Variants in PABPC1 observed in about 807,000 individuals in gnomAD.
PABPC1 encodes poly(A) binding protein cytoplasmic 1.
Under a neutral mutation model 74.0 loss-of-function variants are expected in PABPC1, and 4 were observed. That is an observed-to-expected ratio of 0.05 (90% CI 0.03 to 0.12). The LOEUF is 0.12. Among genes scored for constraint, PABPC1 ranks in the 10% least tolerant of loss-of-function variants. The probability of loss-of-function intolerance (pLI) is 1.00; values close to 1 mark genes in which losing one functional copy is unlikely to be tolerated. For synonymous variants in PABPC1, 227 were observed against 264.1 expected (o/e 0.86, Z 1.36); for missense variants, 271 against 821.1 (o/e 0.33, Z 8.19).
Position 100,709,705 on chromosome 8 carries a change from T to C in PABPC1, c.999A>G (p.Lys333=), listed in dbSNP as rs756251386. Residue 333 remains lysine, a synonymous_variant, in exon 8 of 15, where the codon AAA becomes AAG. Coordinates refer to ENST00000318607, the MANE Select transcript of PABPC1 (RefSeq NM_002568.4). ...AKVMMEGGRS[K]GFGFVCFSSP... ...AGGAGAAACATACAAAACCAAACCCTTTGCTGCGACCACCCTCCATCATAA... is the reference window on the plus strand; with the variant it reads ...AGGAGAAACATACAAAACCAAACCCCTTGCTGCGACCACCCTCCATCATAA... 1 of 1,331,196 alleles carries C rather than the reference T, an allele frequency of 7.5e-7. No individual in the cohort carries two copies. Among genetic ancestry groups the C allele is most frequent in the Non-Finnish European group, 1.0e-6 (1 of 986,244 alleles). The allele number at this position is 1,331,196 out of a possible 1,614,324, so 82.5% of individuals were successfully genotyped here.
intron 12 of PABPC1, 96 bp from the exon 13 acceptor site, chr8:100,705,152 C>T: frequency 2.1e-6 from 2 of 945,906 alleles, no homozygotes; most frequent in Non-Finnish European, 3.2e-6. Context: ...AACCATACTT[C>T]TGTCTCACGT....
rs1810827868 is a variant in PABPC1, at chr8:100,721,374, C to T, written c.193+17G>A. The T allele has an allele frequency of 1.4e-6, 2 of 1,447,326 alleles. No individual in the cohort carries two copies. Among genetic ancestry groups the T allele is most frequent in the South Asian group, 1.5e-5 (1 of 65,610 alleles). The allele number at this position is 1,447,326 out of a possible 1,614,324, so 89.7% of individuals were successfully genotyped here. The stretch of plus-strand genomic sequence containing the variant: ...GGCCGCCCGCCCGCCCGGCCGACCG[C>T]GGAGCCCGGCGCTCACCGTCCGCCG... On this transcript the variant is annotated intron_variant, in intron 1 of 14. Coordinates refer to ENST00000318607, the MANE Select transcript of PABPC1 (RefSeq NM_002568.4). This position sits in a 1 kb window ranked among gnomAD's most constrained non-coding sequence, Gnocchi z 7.4.
In PABPC1 at chr8:100,721,611, G is replaced by A. The variant is rs772646274; in HGVS notation, c.-28C>T. ...CGGCACGGCTGCCCGCAGGGCCACA[G>A]GCCGCGACCTTTCCGTGAGAGGAGG... On this transcript the variant is annotated 5_prime_UTR_variant, in exon 1 of 15. Coordinates refer to ENST00000318607, the MANE Select transcript of PABPC1 (RefSeq NM_002568.4). The surrounding 1 kb of genome is among the most constrained non-coding windows in gnomAD (Gnocchi z 7.4). 9 of 1,479,088 alleles carry A rather than the reference G, an allele frequency of 6.1e-6. No individual in the cohort carries two copies. In the East Asian group the frequency reaches 1.3e-4, roughly 21 times the overall value. 91.6% of individuals were successfully genotyped at this position (1,479,088 alleles called of 1,614,324 possible).
At chr8:100,717,594 TATTA>T (rs1464008171) in intron 3 of PABPC1, among the ~76,000 whole-genome samples, 175 bp downstream of exon 3, 6 of 152,250 alleles carry the variant, frequency 3.9e-5, no homozygotes, top group South Asian at 2.1e-4. Flanking sequence ...AAGATTAGCT[TATTA>T]ATTTTCACTC....
At chr8:100,716,963 G>C (rs1810686891) in intron 3 of PABPC1, among the ~76,000 whole-genome samples, 1 of 152,120 alleles carries the variant, frequency 6.6e-6, no homozygotes, top group Admixed American at 6.6e-5. Flanking sequence ...GCCAGTGTTG[G>C]GCTTGCTTTT....
rs1810394380 is a variant in PABPC1 at position 100,706,909 on chromosome 8, T to C, written c.1425A>G (p.Arg475=). 6.2e-7 allele frequency: 1 copy of C among 1,614,142 alleles called. No homozygotes were observed. The highest frequency in any genetic ancestry group is 8.5e-7 in the Non-Finnish European group (1 of 1,179,974). Residue 475 remains arginine (R), a synonymous_variant, in exon 10 of 15, where the codon CGA becomes CGG. Transcript: ENST00000318607. ...CACCAACACGCTGTGTTGACATGAC[T>C]CGTGGAACCTGTGAAGAAGCTGGTC... ...TMRPASSQVP[R]VMSTQRVANT...
chr8:100,705,183 CA>C (rs1810349085), intron 12 of PABPC1, 127 bp from the exon 13 acceptor site: 1 of 721,594 alleles, frequency 1.4e-6, no homozygotes, highest in Non-Finnish European at 2.3e-6. Context: ...CCATAATCCA[CA>C]ATTTCATTAT....
Position 100,706,669 on chromosome 8 carries a change from T to G in PABPC1, c.1584A>C (p.Pro528=). 2 of 1,608,092 alleles carry G rather than the reference T, an allele frequency of 1.2e-6. No individual in the cohort carries two copies. The highest frequency in any genetic ancestry group is 1.7e-6 in the Non-Finnish European group (2 of 1,178,082). The change falls in exon 11 of 15, where the codon CCA becomes CCC. Residue 528 remains proline, a synonymous_variant. Transcript: ENST00000318607. The stretch of plus-strand genomic sequence containing the variant: ...TCCATACCTGTTGCATTGTAACTTG[T>G]GGCTGTGCATTAAGATGTTGCTGAG... ...RNPQQHLNAQ[P]QVTMQQPAVH...
Position 100,721,299 on chromosome 8 carries a change from TCCCCGGG to T in PABPC1, c.193+85_193+91del, listed in dbSNP as rs1810821440. 1 of 177,294 alleles carries T rather than the reference TCCCCGGG, an allele frequency of 5.6e-6. No individual in the cohort carries two copies. Among genetic ancestry groups the T allele is most frequent in the African/African-American group, 3.1e-5 (1 of 32,516 alleles). 11.0% of individuals were successfully genotyped at this position (177,294 alleles called of 1,614,324 possible). The stretch of plus-strand genomic sequence containing the variant: ...GGGGTGACATGCCCTCCCGCCCCCC[TCCCCGGG>T]CCCGCCGGCCTACCCCGCCCGCCGC... On this transcript the variant is annotated intron_variant, in intron 1 of 14. Coordinates refer to ENST00000318607, the MANE Select transcript of PABPC1 (RefSeq NM_002568.4). The surrounding 1 kb of genome is among the most constrained non-coding windows in gnomAD (Gnocchi z 7.4).
intron 9 of PABPC1, chr8:100,707,288 G>A: frequency 1.2e-5 from 3 of 260,064 alleles, no homozygotes; most frequent in Non-Finnish European, 1.5e-5. Flanking sequence ...GAGACACAGA[G>A]ATTTAAAAAA....
Position 100,721,369 on chromosome 8 carries a change from G to T in PABPC1, c.193+22C>A, listed in dbSNP as rs376884068. On this transcript the variant is annotated intron_variant, in intron 1 of 14. Transcript: ENST00000318607. This position sits in a 1 kb window ranked among gnomAD's most constrained non-coding sequence, Gnocchi z 7.4. ...CTCATGGCCGCCCGCCCGCCCGGCC[G>T]ACCGCGGAGCCCGGCGCTCACCGTC... 7.8e-6 allele frequency: 11 copies of T among 1,417,164 alleles called. No homozygotes were observed. In the African/African-American group the frequency reaches 1.2e-4, roughly 15 times the overall value. 87.8% of individuals were successfully genotyped at this position (1,417,164 alleles called of 1,614,324 possible).
At chr8:100,710,879 C>T (rs1282098177) in intron 7 of PABPC1, among the ~76,000 whole-genome samples, 1 of 152,028 alleles carries the variant, frequency 6.6e-6, no homozygotes, top group Admixed American at 6.5e-5. Flanking sequence ...CCCAGCTACT[C>T]GGGAAGCTGA....
intron 12 of PABPC1, among the ~76,000 whole-genome samples, chr8:100,705,380 G>A (rs1587143936): frequency 6.6e-6 from 1 of 152,210 alleles, no homozygotes; most frequent in African/African-American, 2.4e-5. Flanking sequence ...GGTGAGTAAT[G>A]CCCTACTACC....
intron 3 of PABPC1, among the ~76,000 whole-genome samples, chr8:100,716,960 T>A (rs1266568819): frequency 6.6e-6 from 1 of 152,224 alleles, no homozygotes; most frequent in Admixed American, 6.5e-5. Flanking sequence ...CCTGCCAGTG[T>A]TGGGCTTGCT....
intron 14 of PABPC1, 55 bp downstream of exon 14, chr8:100,704,240 CTT>C: frequency 3.0e-6 from 4 of 1,333,364 alleles, no homozygotes; most frequent in Non-Finnish European, 4.3e-6. Flanking sequence ...GCTCAACAAA[CTT>C]TATAAAAGAT....
At position 100,721,182 on chromosome 8, in the gene PABPC1, G is replaced by A. The variant is rs560690013; in HGVS notation, c.193+209C>T. 6.6e-5 allele frequency among the ~76,000 whole-genome samples: 10 copies of A among 152,160 alleles called. No individual in the cohort carries two copies. The East Asian group carries it at 1.9e-3, about 29-fold the overall frequency. ...CGAGAAAATGGTCGCAAAGGAGGAA[G>A]TAGCCGGGCGTGTGGCTGCCGGCAG... On this transcript the variant is annotated intron_variant, in intron 1 of 14. Transcript: ENST00000318607. The surrounding 1 kb of genome is among the most constrained non-coding windows in gnomAD (Gnocchi z 7.4).
intron 3 of PABPC1, 125 bp downstream of exon 3, chr8:100,717,648 T>C: frequency 3.2e-6 from 2 of 622,740 alleles, no homozygotes; most frequent in South Asian, 4.4e-5. Context: ...ATCTTTAAAA[T>C]GTTTTTATTC....
At chr8:100,713,692 T>TGCC (rs1371857113) in intron 4 of PABPC1, among the ~76,000 whole-genome samples, 9 of 152,180 alleles carry the variant, frequency 5.9e-5, no homozygotes, top group African/African-American at 1.4e-4. Flanking sequence ...CTTGCTATGT[T>TGCC]GCCCGGGCTA....
intron 9 of PABPC1, among the ~76,000 whole-genome samples, chr8:100,708,707 C>T (rs1477012051): frequency 6.6e-6 from 1 of 151,196 alleles, no homozygotes; most frequent in Non-Finnish European, 1.5e-5. Flanking sequence ...CAAACCCCAT[C>T]TCTACTAATA....
Sources: gnomAD v4.1 joint callset for allele counts (sites outside exome capture counted in the v4.1 genomes callset) on GRCh38, gnomAD v4.1.1 for gene constraint, Gnocchi (gnomAD v3.1) non-coding constraint, MANE v1.5 for transcripts, NCBI Gene and HGNC (gene_info 2026-07-23, HGNC 2026-07-21) for gene names.